SMOC2: variants seen among roughly 807,000 people sequenced by gnomAD.
SMOC2 encodes the protein SPARC related modular calcium binding 2, also known as SPARC-related modular calcium-binding protein 2.
Under a neutral mutation model 61.4 loss-of-function variants are expected in SMOC2, and 39 were observed. The ratio of observed to expected loss-of-function variants is 0.64; its 90% CI spans 0.49 to 0.83. The LOEUF (loss-of-function observed/expected upper bound fraction) is 0.83. SMOC2 is among the 40% of genes least tolerant of loss of function. The probability of loss-of-function intolerance (pLI) is 0.00; values close to 1 mark genes in which losing one functional copy is unlikely to be tolerated. For synonymous variants in SMOC2, 247 were observed against 239.9 expected (o/e 1.03, Z -0.27); for missense variants, 556 against 592.9 (o/e 0.94, Z 0.65).
intron 1 of SMOC2, among the ~76,000 whole-genome samples, chr6:168,492,706 G>A (rs1479698729): frequency 1.3e-5 from 2 of 152,222 alleles, no homozygotes; most frequent in African/African-American, 2.4e-5. Flanking sequence ...ATTTTAGAGA[G>A]AGCACTGTCT....
At chr6:168,498,964 T>TG (rs1255516474) in intron 1 of SMOC2, among the ~76,000 whole-genome samples, 1 of 139,048 alleles carries the variant, frequency 7.2e-6, no homozygotes, top group Non-Finnish European at 1.5e-5. Flanking sequence ...CCACAGTCTC[T>TG]GGGGGGACAG....
rs774651626 is a variant in SMOC2 at position 168,652,955 on chromosome 6, C to G, written c.1012C>G (p.Leu338Val). 2 of 1,612,600 alleles carry G rather than the reference C, an allele frequency of 1.2e-6. No homozygotes were observed. The highest frequency in any genetic ancestry group is 1.7e-6 in the Non-Finnish European group (2 of 1,179,434). The change falls in exon 11 of 13, where the codon CTC (leucine) becomes GTC (valine). Residue 338 changes from leucine (L) to valine (V), a missense_variant and splice_region_variant. Coordinates refer to ENST00000356284, the MANE Select transcript of SMOC2 (RefSeq NM_001166412.2). Reference protein sequence around the residue: ...ASDPSSSSGRLSEPDPSHTLE... With the variant: ...ASDPSSSSGRVSEPDPSHTLE... ...TGACGGCATCTGTGTTCCTTCCAGG[C>G]TCTCAGAACCCGACCCCAGCCATAC...
chr6:168,615,111 CAG>C (rs1396296640), intron 9 of SMOC2, among the ~76,000 whole-genome samples: 4 of 57,692 alleles, frequency 6.9e-5, no homozygotes, highest in Non-Finnish European at 1.4e-4. Flanking sequence ...ACAGCCAGCA[CAG>C]GGGGCCTCTT....
At chr6:168,608,586 A>G (rs1238708300) in intron 9 of SMOC2, among the ~76,000 whole-genome samples, 1 of 152,236 alleles carries the variant, frequency 6.6e-6, no homozygotes, top group Non-Finnish European at 1.5e-5. Flanking sequence ...CATTCTACCT[A>G]CATTTCACTG....
At chr6:168,468,417 A>C (rs975084098) in intron 1 of SMOC2, among the ~76,000 whole-genome samples, 41 of 152,224 alleles carry the variant, frequency 2.7e-4, no homozygotes, top group Non-Finnish European at 5.1e-4. Flanking sequence ...ATGTTCCTTA[A>C]GGAAAACCTA....
At chr6:168,661,831 A>T (rs1280120080) in intron 11 of SMOC2, among the ~76,000 whole-genome samples, 1 of 152,166 alleles carries the variant, frequency 6.6e-6, no homozygotes, top group East Asian at 1.9e-4. Context: ...AAAAGCCTAT[A>T]TTTTTTCCTG....
At chr6:168,616,570 C>G (rs1264660573) in intron 9 of SMOC2, among the ~76,000 whole-genome samples, 1 of 152,172 alleles carries the variant, frequency 6.6e-6, no homozygotes, top group Non-Finnish European at 1.5e-5. Context: ...GAAGAGAGAG[C>G]TGAATCTACA....
At chr6:168,512,428 A>C (rs1783030432) in intron 2 of SMOC2, among the ~76,000 whole-genome samples, 1 of 152,190 alleles carries the variant, frequency 6.6e-6, no homozygotes, top group Admixed American at 6.5e-5. Flanking sequence ...TTTAGAAAGG[A>C]CCACAAATGG....
intron 12 of SMOC2, among the ~76,000 whole-genome samples, chr6:168,665,638 G>A (rs945616506): frequency 5.9e-5 from 9 of 152,336 alleles, no homozygotes; most frequent in South Asian, 4.1e-4. Flanking sequence ...TTAGTCCACC[G>A]TCTCCTCCTG....
chr6:168,470,160 A>G (rs938355844), intron 1 of SMOC2, among the ~76,000 whole-genome samples: 1 of 152,200 alleles, frequency 6.6e-6, no homozygotes, highest in African/African-American at 2.4e-5. Context: ...GCTTTGTTCT[A>G]AAGTGTGGCT....
At chr6:168,528,907 A>C (rs958557573) in intron 4 of SMOC2, among the ~76,000 whole-genome samples, 1 of 152,182 alleles carries the variant, frequency 6.6e-6, no homozygotes, top group African/African-American at 2.4e-5. Context: ...TCCCTCTTTG[A>C]CTTTGAGAGA....
intron 7 of SMOC2, among the ~76,000 whole-genome samples, chr6:168,559,754 C>T (rs141700879): frequency 5.1e-4 from 78 of 152,232 alleles, no homozygotes; most frequent in Admixed American, 1.5e-3. Flanking sequence ...GAGCAATTAA[C>T]GATTTATCTC....
At chr6:168,630,497 G>T (rs1009497637) in intron 9 of SMOC2, among the ~76,000 whole-genome samples, 1 of 152,034 alleles carries the variant, frequency 6.6e-6, no homozygotes, top group East Asian at 1.9e-4. Flanking sequence ...GATGTATGTC[G>T]CCTCAGGACC....
intron 7 of SMOC2, among the ~76,000 whole-genome samples, chr6:168,596,030 A>G (rs1383078830): frequency 7.9e-6 from 1 of 127,230 alleles, no homozygotes; most frequent in Non-Finnish European, 1.8e-5. Flanking sequence ...CTGGAGAGGC[A>G]TGAACAAGCG....
intron 11 of SMOC2, among the ~76,000 whole-genome samples, chr6:168,656,507 T>TAAAAAAAAAAAAAAAA (rs5881805): frequency 1.2e-5 from 1 of 86,796 alleles, no homozygotes. Context: ...GACTTTGTGT[T>TAAAAAAAAAAAAAAAA]AAAAAAAAAA....
chr6:168,447,560 C>T (rs1039496699), intron 1 of SMOC2, among the ~76,000 whole-genome samples: 2 of 152,172 alleles, frequency 1.3e-5, no homozygotes, highest in Admixed American at 6.5e-5. Context: ...TGTTCCTATC[C>T]CTGCCCTAGC....
chr6:168,547,119 A>G lies in SMOC2; in HGVS notation c.512A>G (p.Asp171Gly). ...LPQREGTGKT[D>G]DAAAPALETQ... is the part of the protein sequence containing the mutation. ...CAAATCTTTTCCGTTCTGAATTCAG[A>G]TGATGCCGCAGCTCCAGCGTTGGAG... is the stretch of plus-strand genomic sequence containing the variant. Residue 171 changes from aspartate to glycine, a missense_variant and splice_region_variant, in exon 6 of 13, where the codon GAT (aspartate) becomes GGT (glycine). Transcript: ENST00000356284. The G allele has an allele frequency of 1.9e-6, 3 of 1,614,064 alleles. No homozygotes were observed. Among genetic ancestry groups the G allele is most frequent in the South Asian group, 2.2e-5 (2 of 91,076 alleles).
intron 9 of SMOC2, among the ~76,000 whole-genome samples, chr6:168,619,962 T>C (rs923693070): frequency 2.6e-5 from 4 of 152,206 alleles, no homozygotes; most frequent in Non-Finnish European, 5.9e-5. Flanking sequence ...GTTGTCCAGC[T>C]CGCTCTCAAG....
intron 12 of SMOC2, chr6:168,664,426 G>A (rs1459995790): frequency 2.5e-6 from 1 of 393,160 alleles, no homozygotes; most frequent in South Asian, 1.9e-5. Flanking sequence ...TAAGAGAAGG[G>A]GTTCTGCCAT....
Sources: allele counts gnomAD v4.1 joint callset (sites outside exome capture counted in the v4.1 genomes callset), GRCh38; gene constraint gnomAD v4.1.1; transcripts MANE v1.5; gene names NCBI Gene and HGNC (gene_info 2026-07-23, HGNC 2026-07-21).